The following SLC36A1 variants were observed in gnomAD, a reference collection of about 807,000 sequenced individuals.
SLC36A1 encodes the protein solute carrier family 36 member 1.
A neutral mutation model predicts 47.5 loss-of-function variants in SLC36A1; 30 were observed. The observed-to-expected ratio is 0.63, with a 90% CI of 0.47 to 0.86. The LOEUF is 0.86. SLC36A1 is among the 40% of genes least tolerant of loss of function. The pLI is 0.00. For missense variants in SLC36A1, 517 were observed against 606.0 expected (o/e 0.85, Z 1.54); for synonymous variants, 255 against 249.7 (o/e 1.02, Z -0.20).
the SLC36A1 span, chr5:151,544,039 G>A: frequency 6.2e-7 from 1 of 1,614,172 alleles, no homozygotes; most frequent in Non-Finnish European, 8.5e-7. Flanking sequence ...AACCACAAGG[G>A]TTTCACCAGT....
chr5:151,534,397 T>A, the SLC36A1 span: 2 of 1,594,904 alleles, frequency 1.3e-6, no homozygotes, highest in South Asian at 2.3e-5. Context: ...CCTCAATCCT[T>A]CTCAGACTCA....
intron 1 of SLC36A1, among the ~76,000 whole-genome samples, chr5:151,457,193 T>C (rs556958084): frequency 6.6e-6 from 1 of 152,234 alleles, no homozygotes; most frequent in South Asian, 2.1e-4. Context: ...AGTGGTTGTT[T>C]TCAGATTCTG....
At chr5:151,527,434 C>T in the SLC36A1 span, 24 of 1,475,230 alleles carry the variant, frequency 1.6e-5, no homozygotes, top group East Asian at 5.4e-4. Flanking sequence ...TCACTTCTGC[C>T]CCCTGAGTCA....
At chr5:151,524,097 C>T in the SLC36A1 span, among the ~76,000 whole-genome samples, 1 of 152,122 alleles carries the variant, frequency 6.6e-6, no homozygotes, top group Admixed American at 6.5e-5. Flanking sequence ...CACTGGTCTC[C>T]CTCACCCACT....
At chr5:151,534,555 G>A in the SLC36A1 span, 24 of 1,613,946 alleles carry the variant, frequency 1.5e-5, no homozygotes, top group Middle Eastern at 1.6e-4. Flanking sequence ...TGCCTGGCAC[G>A]ATCGGCCACC....
the SLC36A1 span, chr5:151,546,412 G>T: frequency 4.3e-6 from 5 of 1,159,750 alleles, no homozygotes; most frequent in East Asian, 2.4e-5. Context: ...GATCAGTAAA[G>T]GGTCTATCAC....
At chr5:151,459,434 C>G (rs6892322) in intron 2 of SLC36A1, among the ~76,000 whole-genome samples, 148,413 of 152,336 alleles carry the variant, frequency 0.97, 72,312 homozygotes, top group Middle Eastern at 1. Context: ...AGGGCTTAAT[C>G]TCTTGTCTCC....
chr5:151,551,483 C>G, the SLC36A1 span: 1 of 1,614,098 alleles, frequency 6.2e-7, no homozygotes, highest in Non-Finnish European at 8.5e-7. Flanking sequence ...GGCAATGGTG[C>G]GGGACCCATC....
At chr5:151,474,486 C>T (rs964615637) in intron 8 of SLC36A1, among the ~76,000 whole-genome samples, 1 of 152,128 alleles carries the variant, frequency 6.6e-6, no homozygotes. Flanking sequence ...GAAAAGTGAG[C>T]TTAATGATTC....
chr5:151,505,606 C>T, the SLC36A1 span: 14 of 1,614,100 alleles, frequency 8.7e-6, 1 homozygote, highest in South Asian at 1.3e-4. Context: ...TCACTCTCCA[C>T]CATGTCAGAG....
At chr5:151,357,211 G>A in the SLC36A1 span, among the ~76,000 whole-genome samples, 170 of 152,314 alleles carry the variant, frequency 1.1e-3, no homozygotes, top group Non-Finnish European at 2.0e-3. Context: ...GATCACAGCC[G>A]GAACCTCACT....
At chr5:151,427,978 G>A in the SLC36A1 span, among the ~76,000 whole-genome samples, 1 of 152,310 alleles carries the variant, frequency 6.6e-6, no homozygotes, top group African/African-American at 2.4e-5. Context: ...GGCCACTGCA[G>A]CAGCAGCACC....
At chr5:151,367,374 T>TTTTTTTTTCC in the SLC36A1 span, among the ~76,000 whole-genome samples, 44 of 145,532 alleles carry the variant, frequency 3.0e-4, no homozygotes, top group African/African-American at 1.1e-3. Flanking sequence ...TTTTTTTTTT[T>TTTTTTTTTCC]CCCCAGGGTA....
At chr5:151,554,532 A>G in the SLC36A1 span, 2 of 1,614,176 alleles carry the variant, frequency 1.2e-6, no homozygotes, top group Non-Finnish European at 1.7e-6. Context: ...GGCCCAGGGG[A>G]CACAGGGCTC....
intron 2 of SLC36A1, among the ~76,000 whole-genome samples, chr5:151,462,691 T>C (rs957754701): frequency 2.0e-5 from 3 of 151,402 alleles, no homozygotes; most frequent in Non-Finnish European, 4.4e-5. Context: ...AAATACTAAA[T>C]GTATCAGGGA....
chr5:151,507,235 G>A, the SLC36A1 span: 4 of 1,613,980 alleles, frequency 2.5e-6, no homozygotes, highest in Middle Eastern at 1.6e-4. Context: ...GGGAGTCTGG[G>A]GGGCACACTG....
chr5:151,426,138 A>G, the SLC36A1 span, among the ~76,000 whole-genome samples: 70 of 152,168 alleles, frequency 4.6e-4, no homozygotes, highest in African/African-American at 1.5e-3. Context: ...ACTGCATGCT[A>G]TTCTGTTGGT....
rs774591605 is a variant in SLC36A1, at chr5:151,476,651, G to A, written c.884G>A (p.Gly295Asp). The A allele has an allele frequency of 1.2e-6, 2 of 1,612,842 alleles. No homozygotes were observed. The highest frequency in any genetic ancestry group is 1.7e-5 in the Admixed American group (1 of 59,842). Residue 295 changes from glycine to aspartate, a missense_variant, in exon 9 of 11, where the codon GGC (glycine) becomes GAC (aspartate). Physicochemically the swap from Gly to Asp is moderately conservative, Grantham distance 94. Coordinates refer to ENST00000243389, the MANE Select transcript of SLC36A1 (RefSeq NM_078483.4). The part of the protein sequence containing the change: ...PRKFPLILYL[G>D]MVIVTILYIS... ...AAGTTCCCACTCATCCTGTACCTGG[G>A]CATGGTCATCGTCACCATCCTCTAC...
the SLC36A1 span, among the ~76,000 whole-genome samples, chr5:151,385,660 T>C: frequency 6.6e-6 from 1 of 151,976 alleles, no homozygotes; most frequent in African/African-American, 2.4e-5. Flanking sequence ...CAGCCCCTTT[T>C]GCCAAAATGG....
Sources: gnomAD v4.1 joint callset for allele counts (sites outside exome capture counted in the v4.1 genomes callset) on GRCh38, gnomAD v4.1.1 for gene constraint, MANE v1.5 for transcripts, NCBI Gene and HGNC (gene_info 2026-07-23, HGNC 2026-07-21) for gene names.